The following SYNDIG1 variants were observed in gnomAD, a reference collection of about 807,000 sequenced individuals.
SYNDIG1 encodes the protein synapse differentiation inducing 1, also known as synapse differentiation-inducing gene protein 1.
SYNDIG1 carries 9 observed loss-of-function variants against 19.4 expected under a neutral mutation model. That is an observed-to-expected ratio of 0.46 (90% CI 0.28 to 0.81). The LOEUF (loss-of-function observed/expected upper bound fraction) is 0.81, where lower values mean the gene tolerates loss of function less well. Ranked by LOEUF, SYNDIG1 falls within the 30% of genes least tolerant of loss-of-function variation. SYNDIG1 has a pLI of 0.12. For missense variants in SYNDIG1, 311 were observed against 343.3 expected (o/e 0.91, Z 0.74); for synonymous variants, 141 against 145.9 (o/e 0.97, Z 0.24).
At chr20:24,578,555 G>C (rs895603448) in intron 2 of SYNDIG1, among the ~76,000 whole-genome samples, 1 of 152,244 alleles carries the variant, frequency 6.6e-6, no homozygotes, top group Non-Finnish European at 1.5e-5. Flanking sequence ...GCTGGGGTTA[G>C]AGGGGCTGGG....
At chr20:24,496,795 G>A (rs1328673477) in intron 1 of SYNDIG1, among the ~76,000 whole-genome samples, 1 of 152,016 alleles carries the variant, frequency 6.6e-6, no homozygotes, top group African/African-American at 2.4e-5. Flanking sequence ...CCCAGAGCTG[G>A]GGGAGAAAAA....
chr20:24,483,855 CAA>C (rs2055872672), intron 1 of SYNDIG1, among the ~76,000 whole-genome samples: 1 of 152,132 alleles, frequency 6.6e-6, no homozygotes, highest in Admixed American at 6.6e-5. Flanking sequence ...TGACACGGTG[CAA>C]GTGCAAGTGG....
At chr20:24,503,032 A>G (rs757349311) in intron 1 of SYNDIG1, among the ~76,000 whole-genome samples, 14 of 152,220 alleles carry the variant, frequency 9.2e-5, no homozygotes, top group Non-Finnish European at 1.5e-4. Context: ...CCAAGTTTCA[A>G]GGGCCCTTTA....
chr20:24,642,879 G>T (rs956566726), intron 3 of SYNDIG1, among the ~76,000 whole-genome samples: 3 of 151,854 alleles, frequency 2.0e-5, no homozygotes, highest in Non-Finnish European at 2.9e-5. Flanking sequence ...TGGCTTCTGG[G>T]GTGTCATTGA....
intron 1 of SYNDIG1, among the ~76,000 whole-genome samples, chr20:24,530,589 G>A (rs1018090320): frequency 2.6e-5 from 4 of 152,076 alleles, no homozygotes; most frequent in Admixed American, 2.6e-4. Flanking sequence ...CGTATCATTC[G>A]CTTAGCAGTA....
At position 24,523,784 on chromosome 20, in the gene SYNDIG1, T is replaced by C. The variant is rs1409597046; in HGVS notation, c.-78-19236T>C. 3.3e-5 allele frequency among the ~76,000 whole-genome samples: 5 copies of C among 152,334 alleles called. No individual in the cohort carries two copies. In the East Asian group the frequency reaches 5.8e-4, roughly 18 times the overall value. Reference sequence around the variant, plus strand: ...TTGAGGAAAGAAACCTGTGCCTTCCTCACAGCATCCATCTTAACTTCCAGC... The same window carrying C: ...TTGAGGAAAGAAACCTGTGCCTTCCCCACAGCATCCATCTTAACTTCCAGC... On this transcript the variant is annotated intron_variant, in intron 1 of 3. Coordinates refer to ENST00000376862, the MANE Select transcript of SYNDIG1 (RefSeq NM_024893.3).
At chr20:24,556,134 C>T (rs2057811066) in intron 2 of SYNDIG1, among the ~76,000 whole-genome samples, 1 of 151,858 alleles carries the variant, frequency 6.6e-6, no homozygotes, top group African/African-American at 2.4e-5. Flanking sequence ...CAACCCCTGC[C>T]TTTTTTTGTT....
intron 2 of SYNDIG1, among the ~76,000 whole-genome samples, chr20:24,565,241 A>G (rs2058023234): frequency 1.3e-5 from 2 of 152,226 alleles, no homozygotes; most frequent in African/African-American, 4.8e-5. Flanking sequence ...TGAAACAAGA[A>G]TATGTGAAGG....
Position 24,554,733 on chromosome 20 carries a change from A to T in SYNDIG1, c.480+11156A>T, listed in dbSNP as rs530259846. On this transcript the variant is annotated intron_variant, in intron 2 of 3. Coordinates refer to ENST00000376862, the MANE Select transcript of SYNDIG1 (RefSeq NM_024893.3). ...GTATTTTATTGAGGATTTTTGCATC[A>T]ATGTTCATCAAGGATATTGGTCTAA... Among the ~76,000 whole-genome samples the T allele has an allele frequency of 8.5e-3, 1,286 of 151,418 alleles. 15 individuals carry two copies. The highest frequency in any genetic ancestry group is 0.03 in the African/African-American group (1,221 of 41,196).
At chr20:24,626,338 A>T (rs950871652) in intron 3 of SYNDIG1, among the ~76,000 whole-genome samples, 3 of 149,910 alleles carry the variant, frequency 2.0e-5, no homozygotes, top group African/African-American at 7.4e-5. Context: ...TGCCAGGCAG[A>T]GGGTCTCCTC....
chr20:24,572,132 CTG>C (rs1369842935), intron 2 of SYNDIG1, among the ~76,000 whole-genome samples: 1 of 152,232 alleles, frequency 6.6e-6, no homozygotes, highest in African/African-American at 2.4e-5. Context: ...ATCTCCTCAG[CTG>C]TAGCACTGAA....
intron 2 of SYNDIG1, among the ~76,000 whole-genome samples, chr20:24,579,322 C>T (rs1005128407): frequency 2.0e-5 from 3 of 152,164 alleles, no homozygotes; most frequent in Admixed American, 6.5e-5. Context: ...TGAAGTCTTG[C>T]TCTTTTTATG....
chr20:24,622,902 A>C (rs1266556236), intron 3 of SYNDIG1, among the ~76,000 whole-genome samples: 2 of 152,228 alleles, frequency 1.3e-5, no homozygotes, highest in Non-Finnish European at 2.9e-5. Flanking sequence ...AACCAACAAC[A>C]ACCAAAAGTA....
intron 1 of SYNDIG1, among the ~76,000 whole-genome samples, chr20:24,472,885 A>G (rs575004516): frequency 6.6e-6 from 1 of 152,356 alleles, no homozygotes; most frequent in Admixed American, 6.5e-5. Flanking sequence ...TGCACTATTT[A>G]AAGGTGTCCT....
intron 1 of SYNDIG1, among the ~76,000 whole-genome samples, chr20:24,476,967 A>G (rs2055645993): frequency 6.6e-6 from 1 of 151,818 alleles, no homozygotes; most frequent in Non-Finnish European, 1.5e-5. Flanking sequence ...TTCTGGGTGT[A>G]GGTGTATTAG....
At chr20:24,575,023 C>T (rs540118820) in intron 2 of SYNDIG1, among the ~76,000 whole-genome samples, 1 of 152,304 alleles carries the variant, frequency 6.6e-6, no homozygotes, top group South Asian at 2.1e-4. Context: ...GTAGATATTG[C>T]CAGGGAAACC....
chr20:24,636,574 G>A (rs1175057170), intron 3 of SYNDIG1, among the ~76,000 whole-genome samples: 5 of 152,184 alleles, frequency 3.3e-5, no homozygotes, highest in African/African-American at 1.2e-4. Context: ...TATGCAGATG[G>A]GGTCTCTACC....
Position 24,469,768 on chromosome 20 carries a change from C to T in SYNDIG1, c.-79+15C>T, listed in dbSNP as rs1347009698. The T allele has an allele frequency of 6.6e-6, 1 of 151,778 alleles. No individual in the cohort carries two copies. The highest frequency in any genetic ancestry group is 1.5e-5 in the Non-Finnish European group (1 of 67,970). 9.4% of individuals were successfully genotyped at this position (151,778 alleles called of 1,614,324 possible). ...TTGTCCCGGAGGTAAGTCCAGACCT[C>T]CCGGCCGCGGGGGCGGGCGGAGGGG... On this transcript the variant is annotated intron_variant, in intron 1 of 3. Transcript: ENST00000376862.
At chr20:24,663,929 T>C (rs729540) in intron 3 of SYNDIG1, among the ~76,000 whole-genome samples, 31,072 of 152,118 alleles carry the variant, frequency 0.2, 4,008 homozygotes, top group East Asian at 0.57. Flanking sequence ...GGAGCACTGC[T>C]GCATGAAACA....
Sources: allele counts gnomAD v4.1 joint callset (sites outside exome capture counted in the v4.1 genomes callset), GRCh38; gene constraint gnomAD v4.1.1; transcripts MANE v1.5; gene names NCBI Gene and HGNC (gene_info 2026-07-23, HGNC 2026-07-21).